Variants in PARD3B observed in about 807,000 individuals in gnomAD.
PARD3B encodes the protein partitioning defective 3 homolog B.
In PARD3B, 103 loss-of-function variants were observed where a neutral mutation model predicts 130.2. That is an observed-to-expected ratio of 0.79 (90% confidence interval 0.67 to 0.93). The LOEUF is 0.93. Among genes scored for constraint, PARD3B ranks in the 40% least tolerant of loss-of-function variants. PARD3B has a pLI of 0.00. For missense variants in PARD3B, 1,609 were observed against 1,499.2 expected, an observed-to-expected ratio of 1.07 and a Z score of -1.21; for synonymous variants, 583 against 553.2, an observed-to-expected ratio of 1.05 and a Z score of -0.76.
At chr2:205,216,356 A>G (rs2037909634) in intron 15 of PARD3B, among the ~76,000 whole-genome samples, 3 of 152,178 alleles carry the variant, frequency 2.0e-5, no homozygotes, top group Admixed American at 2.0e-4. Flanking sequence ...TCAGTCATCT[A>G]GTGACGCATG....
intron 2 of PARD3B, among the ~76,000 whole-genome samples, chr2:204,748,103 T>A (rs181105987): frequency 4.7e-4 from 72 of 152,196 alleles, no homozygotes; most frequent in African/African-American, 1.5e-3. Flanking sequence ...ATATCTATCA[T>A]GTAGGCAAAT....
intron 14 of PARD3B, among the ~76,000 whole-genome samples, chr2:205,188,478 G>A (rs2036215570): frequency 6.6e-6 from 1 of 152,214 alleles, no homozygotes; most frequent in Admixed American, 6.5e-5. Flanking sequence ...AATGGCAGAA[G>A]CCGCCATAGA....
chr2:205,035,427 G>T (rs141992404), intron 3 of PARD3B, among the ~76,000 whole-genome samples: 1 of 152,084 alleles, frequency 6.6e-6, no homozygotes, highest in African/African-American at 2.4e-5. Context: ...ATTTGTCAAG[G>T]TATCGATGAG....
At chr2:205,056,532 A>G (rs1230433815) in intron 4 of PARD3B, among the ~76,000 whole-genome samples, 4 of 151,904 alleles carry the variant, frequency 2.6e-5, no homozygotes, top group African/African-American at 9.7e-5. Context: ...GTTAGTTTTG[A>G]AGTAACTGGT....
intron 20 of PARD3B, among the ~76,000 whole-genome samples, chr2:205,457,542 CTG>C (rs1173303420): frequency 6.6e-6 from 1 of 151,954 alleles, no homozygotes; most frequent in Non-Finnish European, 1.5e-5. Context: ...TTCTGAATAT[CTG>C]TGTTTCCCAG....
intron 11 of PARD3B, among the ~76,000 whole-genome samples, chr2:205,168,675 T>TCC (rs1168272000): frequency 1.3e-5 from 2 of 150,984 alleles, no homozygotes. Flanking sequence ...TTTTTTTTTT[T>TCC]CCCTCCTCTG....
rs184792242 is a variant in PARD3B, at chr2:205,061,008, G to C, written c.504+13318G>C. ...AGTGGTTGGAGCTTGACCAAATGAA[G>C]TTGTGCATCGGATATCGTTATTATG... On this transcript the variant is annotated intron_variant, in intron 4 of 22. Transcript: ENST00000406610. Among the ~76,000 whole-genome samples, 271 of 152,224 alleles carry C rather than the reference G, an allele frequency of 1.8e-3. 1 individual carries two copies. Among genetic ancestry groups the C allele is most frequent in the African/African-American group, 6.1e-3 (255 of 41,538 alleles).
At chr2:205,451,749 C>A (rs1340615254) in intron 20 of PARD3B, among the ~76,000 whole-genome samples, 2 of 151,162 alleles carry the variant, frequency 1.3e-5, no homozygotes, top group Admixed American at 6.6e-5. Flanking sequence ...TACAGGCATA[C>A]AATGCATAAT....
At position 205,568,343 on chromosome 2, in the gene PARD3B, C is replaced by T. The variant is rs2053439182; in HGVS notation, c.3260+14940C>T. ...TACGGAACACAGTGAATGCCAATAG[C>T]ACCAACAGAGCAACCCAAGAGAATA... is the stretch of plus-strand genomic sequence containing the variant. On this transcript the variant is annotated intron_variant, in intron 22 of 22. Coordinates refer to ENST00000406610, the MANE Select transcript of PARD3B (RefSeq NM_001302769.2). The surrounding 1 kb of genome is among the most constrained non-coding windows in gnomAD (Gnocchi z 5.3). Among the ~76,000 whole-genome samples the T allele has an allele frequency of 6.6e-6, 1 of 152,184 alleles. No homozygotes were observed. The highest frequency in any genetic ancestry group is 2.4e-5 in the African/African-American group (1 of 41,438).
chr2:205,173,089 A>G (rs113553751), intron 12 of PARD3B, among the ~76,000 whole-genome samples: 4,504 of 152,216 alleles, frequency 0.03, 116 homozygotes, highest in African/African-American at 0.066. Flanking sequence ...AAGAAGAAAA[A>G]GTTAATAGTA....
At chr2:204,557,102 C>A (rs1167572294) in intron 1 of PARD3B, among the ~76,000 whole-genome samples, 1 of 151,868 alleles carries the variant, frequency 6.6e-6, no homozygotes, top group Non-Finnish European at 1.5e-5. Context: ...TCTCTGCCAT[C>A]TTCTTGTATG....
At chr2:205,599,146 G>T (rs186478774) in intron 22 of PARD3B, among the ~76,000 whole-genome samples, 6 of 152,092 alleles carry the variant, frequency 3.9e-5, no homozygotes, top group African/African-American at 1.4e-4. Context: ...ATGGAGACAT[G>T]CTCATTTCTT....
chr2:204,703,628 A>C (rs1392847240), intron 2 of PARD3B, among the ~76,000 whole-genome samples: 1 of 152,186 alleles, frequency 6.6e-6, no homozygotes, highest in Non-Finnish European at 1.5e-5. Flanking sequence ...TGAAACCCAT[A>C]TAGGTTAAAA....
chr2:204,686,353 C>CT (rs2037086815), intron 2 of PARD3B, 71 bp downstream of exon 2: 1 of 1,089,236 alleles, frequency 9.2e-7, no homozygotes, highest in African/African-American at 1.6e-5. Flanking sequence ...GACTGAAATC[C>CT]TTAACAAACT....
At chr2:204,801,528 A>G (rs1023280218) in intron 2 of PARD3B, among the ~76,000 whole-genome samples, 6 of 152,142 alleles carry the variant, frequency 3.9e-5, no homozygotes, top group Non-Finnish European at 8.8e-5. Context: ...GGTGTATAGG[A>G]ATGCTTGATT....
intron 1 of PARD3B, among the ~76,000 whole-genome samples, chr2:204,644,667 G>T (rs2035211886): frequency 6.6e-6 from 1 of 151,930 alleles, no homozygotes. Flanking sequence ...ATGTGTGTGG[G>T]GTCCCACAGG....
At chr2:205,474,038 G>A in intron 20 of PARD3B, among the ~76,000 whole-genome samples, 1 of 151,746 alleles carries the variant, frequency 6.6e-6, no homozygotes, top group East Asian at 1.9e-4. Flanking sequence ...CGGTAATAAG[G>A]GAAGATAGAG....
chr2:204,590,521 C>G (rs1397301585), intron 1 of PARD3B, among the ~76,000 whole-genome samples: 1 of 152,186 alleles, frequency 6.6e-6, no homozygotes, highest in African/African-American at 2.4e-5. Flanking sequence ...CCTTACTCCA[C>G]TCTCTTCTGG....
intron 22 of PARD3B, among the ~76,000 whole-genome samples, chr2:205,610,399 C>A (rs1246010719): frequency 6.6e-6 from 1 of 152,170 alleles, no homozygotes. Flanking sequence ...TAGATTATTG[C>A]ATTTATGACA....
Sources: gnomAD v4.1 joint callset for allele counts (sites outside exome capture counted in the v4.1 genomes callset) on GRCh38, gnomAD v4.1.1 for gene constraint, Gnocchi (gnomAD v3.1) non-coding constraint, MANE v1.5 for transcripts, NCBI Gene and HGNC (gene_info 2026-07-23, HGNC 2026-07-21) for gene names.